The following VIPR2 variants were observed in gnomAD, a reference collection of about 807,000 sequenced individuals.
VIPR2 encodes the protein vasoactive intestinal polypeptide receptor 2.
VIPR2 carries 48 observed loss-of-function variants against 58.0 expected under a neutral mutation model. The observed-to-expected ratio is 0.83, with a 90% CI of 0.66 to 1.05. The LOEUF is 1.05. VIPR2 is among the 50% of genes least tolerant of loss of function. The probability of loss-of-function intolerance (pLI) is 0.00; values close to 1 mark genes in which losing one functional copy is unlikely to be tolerated. For synonymous variants in VIPR2, 243 were observed against 235.2 expected (o/e 1.03, Z -0.30); for missense variants, 534 against 558.0 (o/e 0.96, Z 0.43).
chr7:159,084,116 T>C (rs187951644), intron 4 of VIPR2, among the ~76,000 whole-genome samples: 130 of 152,360 alleles, frequency 8.5e-4, no homozygotes, highest in African/African-American at 3.0e-3. Context: ...CACAGGGTGC[T>C]GTGGGGTGCA....
intron 2 of VIPR2, among the ~76,000 whole-genome samples, chr7:159,112,527 C>T (rs1408247004): frequency 1.3e-5 from 2 of 152,242 alleles, no homozygotes; most frequent in Non-Finnish European, 2.9e-5. Context: ...GTCACTACAG[C>T]CTTGCAGACA....
intron 2 of VIPR2, among the ~76,000 whole-genome samples, chr7:159,130,605 C>T (rs1796868068): frequency 6.6e-6 from 1 of 152,174 alleles, no homozygotes; most frequent in African/African-American, 2.4e-5. Context: ...AGCACTACTG[C>T]CTAGCACCCC....
chr7:159,135,894 C>T (rs1408821667), intron 2 of VIPR2, among the ~76,000 whole-genome samples: 1 of 152,212 alleles, frequency 6.6e-6, no homozygotes, highest in Non-Finnish European at 1.5e-5. Context: ...AATTTCCACT[C>T]ATCCCACGAC....
intron 2 of VIPR2, among the ~76,000 whole-genome samples, chr7:159,141,680 C>T (rs1797470799): frequency 6.6e-6 from 1 of 152,260 alleles, no homozygotes; most frequent in South Asian, 2.1e-4. Flanking sequence ...TCTTTTTACT[C>T]ATTGTAATGT....
Position 159,095,667 on chromosome 7 carries a change from C to T in VIPR2, c.357+8090G>A, listed in dbSNP as rs568922979. Among the ~76,000 whole-genome samples the T allele has an allele frequency of 2.0e-5, 3 of 152,296 alleles. No individual in the cohort carries two copies. The East Asian group carries it at 5.8e-4, about 29-fold the overall frequency. On this transcript the variant is annotated intron_variant, in intron 4 of 12. Transcript: ENST00000262178. The surrounding 1 kb of genome is among the most constrained non-coding windows in gnomAD (Gnocchi z 5.2). Reference sequence around the variant, plus strand: ...GTCACCGGAAGCCCCAGACTCAAGGCCCTGCTGTTCTGCCCCCTTGGCCGT... The same window carrying T: ...GTCACCGGAAGCCCCAGACTCAAGGTCCTGCTGTTCTGCCCCCTTGGCCGT...
At chr7:159,118,609 T>C (rs1420098567) in intron 2 of VIPR2, among the ~76,000 whole-genome samples, 2 of 152,240 alleles carry the variant, frequency 1.3e-5, no homozygotes, top group Non-Finnish European at 2.9e-5. Context: ...ATGGCAGGCA[T>C]GAGCCCAGCT....
chr7:159,045,361 C>G (rs1463195992), intron 5 of VIPR2, among the ~76,000 whole-genome samples: 1 of 152,172 alleles, frequency 6.6e-6, no homozygotes, highest in African/African-American at 2.4e-5. Flanking sequence ...CTACAGACTA[C>G]CAAATAGTGT....
At chr7:159,089,590 A>C (rs1444620321) in intron 4 of VIPR2, among the ~76,000 whole-genome samples, 1 of 152,370 alleles carries the variant, frequency 6.6e-6, no homozygotes, top group South Asian at 2.1e-4. Flanking sequence ...ATTATAACTA[A>C]TATTATTAGC....
chr7:159,141,600 C>T (rs1399380891), intron 2 of VIPR2, among the ~76,000 whole-genome samples: 2 of 152,170 alleles, frequency 1.3e-5, no homozygotes, highest in Admixed American at 6.5e-5. Flanking sequence ...GTTGATTATA[C>T]GTTGAAATGT....
At chr7:159,092,252 C>T (rs942159339) in intron 4 of VIPR2, among the ~76,000 whole-genome samples, 19 of 152,140 alleles carry the variant, frequency 1.2e-4, no homozygotes, top group Admixed American at 1.0e-3. Flanking sequence ...GGGCCCAGAG[C>T]GAAATTGGCG....
intron 4 of VIPR2, among the ~76,000 whole-genome samples, chr7:159,061,965 G>A (rs942363445): frequency 3.3e-5 from 5 of 152,334 alleles, no homozygotes; most frequent in South Asian, 2.1e-4. Context: ...ATGGCGGGAG[G>A]GCGGAAAGCC....
At chr7:159,101,257 C>T (rs1488751891) in intron 4 of VIPR2, among the ~76,000 whole-genome samples, 3 of 143,340 alleles carry the variant, frequency 2.1e-5, no homozygotes, top group Admixed American at 7.0e-5. Flanking sequence ...ACGGGTCTCA[C>T]GAGATCCGAT....
chr7:159,136,498 G>T (rs1267690023), intron 2 of VIPR2, among the ~76,000 whole-genome samples: 3 of 152,020 alleles, frequency 2.0e-5, no homozygotes, highest in Non-Finnish European at 4.4e-5. Flanking sequence ...GCATGAAAGC[G>T]CACATTAGTG....
intron 5 of VIPR2, among the ~76,000 whole-genome samples, chr7:159,054,484 G>T (rs1475363039): frequency 2.0e-5 from 3 of 152,178 alleles, no homozygotes; most frequent in South Asian, 2.1e-4. Flanking sequence ...TTAAATAGAG[G>T]GAGAGACCAA....
intron 5 of VIPR2, among the ~76,000 whole-genome samples, chr7:159,055,746 C>T (rs1040808129): frequency 2.6e-5 from 4 of 152,206 alleles, no homozygotes; most frequent in African/African-American, 9.7e-5. Context: ...TTGGCACTTA[C>T]AGCCATTGCT....
intron 5 of VIPR2, among the ~76,000 whole-genome samples, chr7:159,056,506 G>A (rs543191721): frequency 1.4e-4 from 21 of 152,276 alleles, no homozygotes; most frequent in South Asian, 2.1e-4. Flanking sequence ...GACTGGAACC[G>A]TCTCTGTCAG....
rs1181964262 is a variant in VIPR2, at chr7:159,095,917, C to G, written c.357+7840G>C. ...TTTCTGAGGACCATAAATGCTGAGT[C>G]CTGAAGCATGTGCTGTGTGTCCTGG... On this transcript the variant is annotated intron_variant, in intron 4 of 12. Transcript: ENST00000262178. This position sits in a 1 kb window ranked among gnomAD's most constrained non-coding sequence, Gnocchi z 5.2. Among the ~76,000 whole-genome samples, 1 of 152,154 alleles carries G rather than the reference C, an allele frequency of 6.6e-6. No homozygotes were observed. The highest frequency in any genetic ancestry group is 1.9e-4 in the East Asian group (1 of 5,190).
At position 159,142,443 on chromosome 7, in the gene VIPR2, T is replaced by A. The variant is rs375298427; in HGVS notation, c.151+3A>T. The A allele has an allele frequency of 1.9e-6, 3 of 1,612,778 alleles. No homozygotes were observed. The highest frequency in any genetic ancestry group is 2.5e-6 in the Non-Finnish European group (3 of 1,178,930). On this transcript the variant is annotated splice_donor_region_variant and intron_variant, in intron 2 of 12. Transcript: ENST00000262178. ...GTTCTTACTCACCAAGCCTCTGCCTTACCTTTGTGTTTTTCTGTTTGAGAC... is the reference window on the plus strand; with the variant it reads ...GTTCTTACTCACCAAGCCTCTGCCTAACCTTTGTGTTTTTCTGTTTGAGAC...
intron 4 of VIPR2, among the ~76,000 whole-genome samples, chr7:159,103,297 A>G (rs536711335): frequency 6.6e-6 from 1 of 152,312 alleles, no homozygotes; most frequent in East Asian, 1.9e-4. Context: ...CTCTTAGTTG[A>G]AAAGACACCC....
Sources: allele counts gnomAD v4.1 joint callset (sites outside exome capture counted in the v4.1 genomes callset), GRCh38; gene constraint gnomAD v4.1.1; non-coding constraint Gnocchi (gnomAD v3.1); transcripts MANE v1.5; gene names NCBI Gene and HGNC (gene_info 2026-07-23, HGNC 2026-07-21).